The following PPIL6 variants were observed in gnomAD, a reference collection of about 807,000 sequenced individuals.
PPIL6 encodes the protein probable inactive peptidyl-prolyl cis-trans isomerase-like 6.
Under a neutral mutation model 36.8 loss-of-function variants are expected in PPIL6, and 39 were observed. The ratio of observed to expected loss-of-function variants is 1.06; its 90% CI spans 0.82 to 1.38. The LOEUF (loss-of-function observed/expected upper bound fraction) is 1.38, where lower values mean the gene tolerates loss of function less well. Among genes scored for constraint, PPIL6 ranks in the 40% most tolerant of loss-of-function variants. PPIL6 has a pLI of 0.00. For missense variants in PPIL6, 368 were observed against 379.1 expected (o/e 0.97, Z 0.24); for synonymous variants, 123 against 134.1 (o/e 0.92, Z 0.57).
At chr6:109,437,965 A>G (rs1774547526) in intron 1 of PPIL6, among the ~76,000 whole-genome samples, 1 of 152,228 alleles carries the variant, frequency 6.6e-6, no homozygotes, top group Non-Finnish European at 1.5e-5. Context: ...TATTTGTTGT[A>G]GAACGGACTA....
chr6:109,415,998 A>G (rs1222829484), intron 6 of PPIL6, among the ~76,000 whole-genome samples: 3 of 152,138 alleles, frequency 2.0e-5, no homozygotes, highest in African/African-American at 7.2e-5. Context: ...GATGTAACCA[A>G]TCTAGAAAAA....
chr6:109,439,008 T>A (rs1207103063), intron 1 of PPIL6, among the ~76,000 whole-genome samples: 1 of 152,270 alleles, frequency 6.6e-6, no homozygotes, highest in Non-Finnish European at 1.5e-5. Context: ...TCCATCTCTG[T>A]GTCTGCTTTT....
At chr6:109,415,358 T>C (rs1432282106) in intron 6 of PPIL6, among the ~76,000 whole-genome samples, 1 of 152,194 alleles carries the variant, frequency 6.6e-6, no homozygotes, top group African/African-American at 2.4e-5. Context: ...GATTGTCTAG[T>C]GTCAGTTTGT....
chr6:109,421,306 C>A (rs940651763), intron 5 of PPIL6, among the ~76,000 whole-genome samples: 1 of 152,222 alleles, frequency 6.6e-6, no homozygotes, highest in Non-Finnish European at 1.5e-5. Flanking sequence ...ATACTTCTGA[C>A]AACAAATTCA....
At chr6:109,396,630 A>G (rs1306050524) in intron 7 of PPIL6, among the ~76,000 whole-genome samples, 1 of 152,026 alleles carries the variant, frequency 6.6e-6, no homozygotes, top group Non-Finnish European at 1.5e-5. Context: ...TTCTCATGAA[A>G]CTTTCCATGA....
Position 109,419,195 on chromosome 6 carries a change from G to A in PPIL6, c.680C>T (p.Thr227Ile), listed in dbSNP as rs2115244332. Reference sequence around the variant, plus strand: ...AATGTAAAGATACATACCTTCAAATGTTGGACCATAAATCGACTCTCCATT... The same window carrying A: ...AATGTAAAGATACATACCTTCAAATATTGGACCATAAATCGACTCTCCATT... ...GDNGESIYGP[T>I]FEDENFSVPH... The change falls in exon 6 of 8, where the codon ACA becomes ATA. Residue 227 changes from threonine (T) to isoleucine (I), a missense_variant. Coordinates refer to ENST00000521072, the MANE Select transcript of PPIL6 (RefSeq NM_173672.5). 2.6e-6 allele frequency: 4 copies of A among 1,546,482 alleles called. No individual in the cohort carries two copies. The highest frequency in any genetic ancestry group is 3.6e-6 in the Non-Finnish European group (4 of 1,118,984).
chr6:109,434,565 T>G (rs1388966572), intron 2 of PPIL6, among the ~76,000 whole-genome samples: 1 of 152,234 alleles, frequency 6.6e-6, no homozygotes, highest in African/African-American at 2.4e-5. Context: ...AATGGTATTC[T>G]TATTCAGTCT....
At chr6:109,399,309 A>G (rs1436533023) in intron 7 of PPIL6, among the ~76,000 whole-genome samples, 6 of 151,962 alleles carry the variant, frequency 3.9e-5, no homozygotes, top group Admixed American at 2.0e-4. Flanking sequence ...GGGTTTCGCC[A>G]TGTTGGCCAG....
chr6:109,420,868 A>T (rs1023857773), intron 5 of PPIL6, among the ~76,000 whole-genome samples: 25 of 152,242 alleles, frequency 1.6e-4, no homozygotes, highest in African/African-American at 6.0e-4. Flanking sequence ...TTTAAATTAT[A>T]CTACTCAGAA....
chr6:109,412,750 G>A (rs140486380), intron 6 of PPIL6, among the ~76,000 whole-genome samples: 400 of 152,244 alleles, frequency 2.6e-3, no homozygotes, highest in Non-Finnish European at 3.9e-3. Flanking sequence ...ATGGATTAAA[G>A]ACTTAAATCT....
At chr6:109,412,423 C>A (rs955309526) in intron 6 of PPIL6, among the ~76,000 whole-genome samples, 19 of 152,134 alleles carry the variant, frequency 1.2e-4, no homozygotes, top group African/African-American at 4.6e-4. Flanking sequence ...TGAAAGACCC[C>A]GAATAGCTAA....
At chr6:109,396,393 G>C (rs1451116701) in intron 7 of PPIL6, among the ~76,000 whole-genome samples, 1 of 152,114 alleles carries the variant, frequency 6.6e-6, no homozygotes, top group Admixed American at 6.5e-5. Context: ...GCAGTCCATT[G>C]GGAGTTGGAC....
chr6:109,433,020 T>C (rs1774236422), intron 2 of PPIL6, among the ~76,000 whole-genome samples: 1 of 152,134 alleles, frequency 6.6e-6, no homozygotes, highest in Non-Finnish European at 1.5e-5. Context: ...AGTGTTTAAA[T>C]TTATCAGTGT....
intron 1 of PPIL6, among the ~76,000 whole-genome samples, chr6:109,438,252 T>C (rs934559024): frequency 6.6e-5 from 10 of 151,918 alleles, no homozygotes; most frequent in African/African-American, 2.4e-4. Context: ...CAAATTATCA[T>C]GTTAGGAATA....
Position 109,392,780 on chromosome 6 carries a change from T to C in PPIL6, c.*46A>G, listed in dbSNP as rs757064803. 1 of 1,107,662 alleles carries C rather than the reference T, an allele frequency of 9.0e-7. No homozygotes were observed. Among genetic ancestry groups the C allele is most frequent in the African/African-American group, 1.6e-5 (1 of 63,284 alleles). The allele number at this position is 1,107,662 out of a possible 1,614,324, so 68.6% of individuals were successfully genotyped here. A position where few individuals can be genotyped will look rare whatever the true frequency, so the allele number is the denominator to read the frequency against. On this transcript the variant is annotated 3_prime_UTR_variant, in exon 8 of 8. Coordinates refer to ENST00000521072, the MANE Select transcript of PPIL6 (RefSeq NM_173672.5). The stretch of plus-strand genomic sequence containing the variant: ...TTTAATTAAATCCACAAACAGCTGA[T>C]CAGATACAAAGTAATAAATTATCAC...
At chr6:109,432,506 G>A (rs1774212814) in intron 2 of PPIL6, among the ~76,000 whole-genome samples, 1 of 152,080 alleles carries the variant, frequency 6.6e-6, no homozygotes, top group Non-Finnish European at 1.5e-5. Context: ...ACTTTCGTGG[G>A]CAATGAGAAT....
chr6:109,434,798 CA>C (rs1008280237), intron 2 of PPIL6, among the ~76,000 whole-genome samples: 1 of 152,126 alleles, frequency 6.6e-6, no homozygotes, highest in African/African-American at 2.4e-5. Context: ...CCAGGGGTGA[CA>C]AGCATCCCAC....
intron 5 of PPIL6, 84 bp downstream of exon 5, chr6:109,426,763 A>G (rs528581289): frequency 7.5e-6 from 7 of 928,890 alleles, no homozygotes; most frequent in Non-Finnish European, 1.1e-5. Context: ...ATCTAATTCT[A>G]CATACATTTC....
chr6:109,414,477 CTTTTTTT>C (rs146541023), intron 6 of PPIL6, among the ~76,000 whole-genome samples: 1 of 86,512 alleles, frequency 1.2e-5, no homozygotes, highest in Non-Finnish European at 2.0e-5. Flanking sequence ...TGTCTTTTAG[CTTTTTTT>C]TTTTTTTTTT....
Sources: allele counts gnomAD v4.1 joint callset (sites outside exome capture counted in the v4.1 genomes callset), GRCh38; gene constraint gnomAD v4.1.1; transcripts MANE v1.5; gene names NCBI Gene and HGNC (gene_info 2026-07-23, HGNC 2026-07-21).